SNX24: variants seen among roughly 807,000 people sequenced by gnomAD.
The protein encoded by SNX24 is sorting nexin-24.
In SNX24, 22 loss-of-function variants were observed where a neutral mutation model predicts 28.7. The ratio of observed to expected loss-of-function variants is 0.77; its 90% CI spans 0.55 to 1.10. The LOEUF (loss-of-function observed/expected upper bound fraction) is 1.10, where lower values mean the gene tolerates loss of function less well. Ranked by LOEUF, SNX24 falls within the 50% of genes least tolerant of loss-of-function variation. SNX24 has a pLI of 0.00. For missense variants in SNX24, 221 were observed against 201.1 expected, an observed-to-expected ratio of 1.10 and a Z score of -0.60; for synonymous variants, 69 against 71.5, an observed-to-expected ratio of 0.96 and a Z score of 0.18.
At chr5:122,974,616 G>A (rs1033684195) in intron 3 of SNX24, among the ~76,000 whole-genome samples, 2 of 152,222 alleles carry the variant, frequency 1.3e-5, no homozygotes, top group African/African-American at 4.8e-5. Context: ...TGCAGTTGGA[G>A]TTACCACTTG....
At chr5:122,920,102 A>G (rs1420255597) in intron 1 of SNX24, among the ~76,000 whole-genome samples, 1 of 152,336 alleles carries the variant, frequency 6.6e-6, no homozygotes, top group Non-Finnish European at 1.5e-5. Context: ...TACAGGCTTG[A>G]TTGCCTTCTT....
chr5:122,881,356 G>A (rs1756473790), intron 1 of SNX24, among the ~76,000 whole-genome samples: 2 of 152,320 alleles, frequency 1.3e-5, no homozygotes, highest in Middle Eastern at 3.4e-3. Flanking sequence ...CTGTATGAAT[G>A]AAGTTAGTCT....
intron 5 of SNX24, among the ~76,000 whole-genome samples, chr5:123,028,296 G>C (rs1762890821): frequency 6.6e-6 from 1 of 152,090 alleles, no homozygotes; most frequent in South Asian, 2.1e-4. Flanking sequence ...TCACTGTTTT[G>C]TCAATATGAT....
chr5:122,989,093 C>T (rs1453609563), intron 3 of SNX24, among the ~76,000 whole-genome samples: 1 of 151,920 alleles, frequency 6.6e-6, no homozygotes, highest in African/African-American at 2.4e-5. Flanking sequence ...GTATTCTGTT[C>T]TATGGGCCAA....
In SNX24 at chr5:122,953,048, C is replaced by T. The variant is rs1484955712; in HGVS notation, c.249+6889C>T. Among the ~76,000 whole-genome samples the T allele has an allele frequency of 7.6e-4, 55 of 72,664 alleles. 1 individual carries two copies. The highest frequency in any genetic ancestry group is 7.3e-3 in the Admixed American group (54 of 7,352). 47.7% of individuals were successfully genotyped at this position (72,664 alleles called of 152,430 possible). On this transcript the variant is annotated intron_variant, in intron 3 of 6. Transcript: ENST00000261369. ...ACTTCCTCAGGTTACACAATATAAG[C>T]GATTTCTTTCTTTCTTTCTTCCTTT...
At chr5:123,029,317 T>C (rs141808369) in exon 6 of SNX24, 2 of 1,614,040 alleles carry the variant, frequency 1.2e-6, no homozygotes, top group Non-Finnish European at 1.7e-6. Context: ...CTCCTGTTGC[T>C]AGAGCAACAA....
intron 1 of SNX24, among the ~76,000 whole-genome samples, chr5:122,890,013 C>T (rs1029705132): frequency 2.0e-5 from 3 of 151,830 alleles, no homozygotes; most frequent in African/African-American, 7.3e-5. Context: ...CCTCTCAGCC[C>T]TTCTTTGTCC....
intron 1 of SNX24, among the ~76,000 whole-genome samples, chr5:122,883,312 A>G (rs1227036025): frequency 1.3e-5 from 2 of 152,142 alleles, no homozygotes; most frequent in Admixed American, 6.5e-5. Flanking sequence ...ATTGTCCCCT[A>G]TGAGTTATAT....
intron 1 of SNX24, among the ~76,000 whole-genome samples, chr5:122,915,302 C>G (rs1480877115): frequency 6.6e-6 from 1 of 152,132 alleles, no homozygotes; most frequent in East Asian, 1.9e-4. Context: ...TCACCCTGAG[C>G]TCTCTAGAAT....
At chr5:122,908,950 G>A (rs1032716197) in intron 1 of SNX24, among the ~76,000 whole-genome samples, 1 of 152,174 alleles carries the variant, frequency 6.6e-6, no homozygotes, top group Non-Finnish European at 1.5e-5. Flanking sequence ...CACTTGAGCG[G>A]GGAGTGAAGC....
intron 1 of SNX24, among the ~76,000 whole-genome samples, chr5:122,879,374 T>C (rs2150059104): frequency 6.6e-6 from 1 of 152,332 alleles, no homozygotes; most frequent in Admixed American, 6.5e-5. Flanking sequence ...TCGCAAACTT[T>C]AGCCCCTGTC....
At chr5:122,942,125 A>G (rs1369310624) in intron 2 of SNX24, among the ~76,000 whole-genome samples, 1 of 152,218 alleles carries the variant, frequency 6.6e-6, no homozygotes, top group Non-Finnish European at 1.5e-5. Flanking sequence ...TCAGTGTGGC[A>G]AACTGCTAAG....
At chr5:122,869,594 A>G (rs964941904) in intron 1 of SNX24, among the ~76,000 whole-genome samples, 5 of 152,208 alleles carry the variant, frequency 3.3e-5, no homozygotes, top group Non-Finnish European at 4.4e-5. Context: ...CTTAAATACC[A>G]ATGATTATGA....
chr5:122,850,105 A>G (rs1247141901), intron 1 of SNX24, among the ~76,000 whole-genome samples: 1 of 152,240 alleles, frequency 6.6e-6, no homozygotes, highest in Non-Finnish European at 1.5e-5. Context: ...TTAGCTTTGC[A>G]TTTAGAAAGA....
chr5:122,946,096 T>G lies in SNX24; in HGVS notation c.186T>G (p.His62Gln). The change falls in exon 3 of 7, where the codon CAT becomes CAG. Residue 62 changes from histidine (H) to glutamine (Q), a missense_variant. By Grantham distance (24) the His-to-Gln change is conservative (BLOSUM62 0). Coordinates refer to ENST00000261369, the MANE Select transcript of SNX24 (RefSeq NM_014035.4). The stretch of plus-strand genomic sequence containing the variant: ...AAACTCCAGAAATCCCTTCTAAACA[T>G]GTTAGGAACTGGGTCCCCAAAGTCT... ...CIKTPEIPSK[H>Q]VRNWVPKVLE... 2 of 1,610,928 alleles carry G rather than the reference T, an allele frequency of 1.2e-6. No individual in the cohort carries two copies. Among genetic ancestry groups the G allele is most frequent in the Non-Finnish European group, 8.5e-7 (1 of 1,177,792 alleles).
chr5:122,969,244 C>T (rs2150145587), intron 3 of SNX24, among the ~76,000 whole-genome samples: 1 of 152,240 alleles, frequency 6.6e-6, no homozygotes, highest in South Asian at 2.1e-4. Context: ...GTGTCCACCT[C>T]TTGCTTGTGG....
At chr5:122,910,424 C>T (rs1267741501) in intron 1 of SNX24, among the ~76,000 whole-genome samples, 1 of 152,164 alleles carries the variant, frequency 6.6e-6, no homozygotes. Flanking sequence ...CCTACTGCTC[C>T]TCCAAGGCCC....
At chr5:122,944,701 T>C (rs535658107) in intron 2 of SNX24, among the ~76,000 whole-genome samples, 3 of 152,220 alleles carry the variant, frequency 2.0e-5, no homozygotes, top group Non-Finnish European at 4.4e-5. Context: ...GTGGCCGCTC[T>C]GCTCTAGCCA....
chr5:122,878,307 G>T lies in SNX24; in HGVS notation c.60+32614G>T, dbSNP rs1456763561. 3.9e-5 allele frequency among the ~76,000 whole-genome samples: 6 copies of T among 152,194 alleles called. No homozygotes were observed. In the East Asian group the frequency reaches 1.2e-3, roughly 29 times the overall value. ...GAGACCCAGTGGCGGTTCTAGAGAG[G>T]GCAGAGAGGTCAGGAGAATGAGGTG... On this transcript the variant is annotated intron_variant, in intron 1 of 6. Coordinates refer to ENST00000261369, the MANE Select transcript of SNX24 (RefSeq NM_014035.4).
Sources: allele counts gnomAD v4.1 joint callset (sites outside exome capture counted in the v4.1 genomes callset), GRCh38; gene constraint gnomAD v4.1.1; transcripts MANE v1.5; gene names NCBI Gene and HGNC (gene_info 2026-07-23, HGNC 2026-07-21).